Variants in SIN3B observed in about 807,000 individuals in gnomAD.
The protein encoded by SIN3B is paired amphipathic helix protein Sin3b.
Under a neutral mutation model 120.2 loss-of-function variants are expected in SIN3B, and 19 were observed. The ratio of observed to expected loss-of-function variants is 0.16; its 90% CI spans 0.11 to 0.23. The LOEUF (loss-of-function observed/expected upper bound fraction) is 0.23, where lower values mean the gene tolerates loss of function less well. Among genes scored for constraint, SIN3B ranks in the 10% least tolerant of loss-of-function variants. SIN3B has a pLI of 1.00. For synonymous variants in SIN3B, 654 were observed against 653.2 expected, an observed-to-expected ratio of 1.00 and a Z score of -0.02; for missense variants, 1,073 against 1,573.0, an observed-to-expected ratio of 0.68 and a Z score of 5.38.
chr19:16,833,047 G>A (rs1971299497), intron 3 of SIN3B, among the ~76,000 whole-genome samples: 1 of 152,166 alleles, frequency 6.6e-6, no homozygotes, highest in Admixed American at 6.5e-5. Flanking sequence ...AGCCAGAAAT[G>A]TCTCCAGACA....
At position 16,854,159 on chromosome 19, in the gene SIN3B, A is replaced by G. The variant is rs749314867; in HGVS notation, c.956A>G (p.Lys319Arg). ...SFFDKVRRVL[K>R]SQEVYENFLR... ...TCTCTGCAGGTCCGCCGGGTGCTGA[A>G]GAGCCAGGAGGTGTATGAAAACTTC... The change falls in exon 8 of 19, where the codon AAG becomes AGG. Residue 319 changes from lysine to arginine, a missense_variant. Lys to Arg is a conservative substitution (Grantham distance 26). This residue lies in a region of SIN3B where 395 missense variants were observed against 528.0 expected (regional missense o/e 0.75). Coordinates refer to ENST00000248054, the MANE Select transcript of SIN3B (RefSeq NM_001297595.2). The G allele has an allele frequency of 6.2e-7, 1 of 1,611,908 alleles. No homozygotes were observed. The highest frequency in any genetic ancestry group is 1.7e-5 in the Admixed American group (1 of 59,962).
At position 16,863,821 on chromosome 19, in the gene SIN3B, C is replaced by A. The variant is rs746600691; in HGVS notation, c.1383+25C>A. ...GGTGTGTGTGCTGCTGTGGCCGGGT[C>A]CCCCGGCATGTGCCTGTTCCCCTTC... On this transcript the variant is annotated intron_variant, in intron 10 of 18. Coordinates refer to ENST00000248054, the MANE Select transcript of SIN3B (RefSeq NM_001297595.2). 1.6e-5 allele frequency: 25 copies of A among 1,539,228 alleles called. No homozygotes were observed. The South Asian group carries it at 2.2e-4, about 14-fold the overall frequency.
At chr19:16,831,716 A>G (rs1027863864) in intron 3 of SIN3B, 69 bp downstream of exon 3, 4 of 1,417,578 alleles carry the variant, frequency 2.8e-6, no homozygotes, top group Non-Finnish European at 4.0e-6. Context: ...AGGTTGGGCC[A>G]CGTGTCTCTC....
At chr19:16,831,823 C>G (rs182103445) in intron 3 of SIN3B, among the ~76,000 whole-genome samples, 176 bp downstream of exon 3, 1 of 152,204 alleles carries the variant, frequency 6.6e-6, no homozygotes, top group African/African-American at 2.4e-5. Context: ...AACACCTACA[C>G]AAGCAGCCTC....
intron 17 of SIN3B, 67 bp downstream of exon 17, chr19:16,877,706 T>C: frequency 8.9e-7 from 1 of 1,123,992 alleles, no homozygotes; most frequent in Admixed American, 2.0e-5. Context: ...CCCTTTGTCC[T>C]GACGGGGGCT....
At chr19:16,847,944 T>C (rs1971500057) in intron 5 of SIN3B, among the ~76,000 whole-genome samples, 1 of 152,136 alleles carries the variant, frequency 6.6e-6, no homozygotes, top group African/African-American at 2.4e-5. Context: ...CCCATGTGCT[T>C]CCTGTTTCTG....
intron 14 of SIN3B, 179 bp from the exon 15 acceptor site, chr19:16,875,876 C>T: frequency 1.4e-6 from 1 of 705,544 alleles, no homozygotes; most frequent in South Asian, 1.9e-5. Context: ...CTGGTCTGGT[C>T]TGGTCTGGTC....
At chr19:16,831,737 G>T in intron 3 of SIN3B, 90 bp downstream of exon 3, 2 of 1,119,116 alleles carry the variant, frequency 1.8e-6, no homozygotes. Context: ...CTGTATCATT[G>T]CTAGAAAGCC....
In SIN3B at chr19:16,865,665, C is replaced by G; in HGVS notation, c.1622+17C>G. ...CCTGAAAAGGTGCCCTGTGGCGTCC[C>G]GACTTCCCTTCCCCTTCCCCTTCCC... On this transcript the variant is annotated intron_variant, in intron 11 of 18. Coordinates refer to ENST00000248054, the MANE Select transcript of SIN3B (RefSeq NM_001297595.2). The G allele has an allele frequency of 6.5e-7, 1 of 1,537,694 alleles. No homozygotes were observed. Among genetic ancestry groups the G allele is most frequent in the Non-Finnish European group, 8.9e-7 (1 of 1,123,824 alleles).
rs201243288 is a variant in SIN3B at position 16,829,811 on chromosome 19, T to C, written c.141T>C (p.Tyr47=). 1 of 1,612,906 alleles carries C rather than the reference T, an allele frequency of 6.2e-7. No homozygotes were observed. Among genetic ancestry groups the C allele is most frequent in the Non-Finnish European group, 8.5e-7 (1 of 1,179,350 alleles). ...LPVHVEDALT[Y]LDQVKIRFGS... Reference sequence around the variant, plus strand: ...TGCAGGTAGAAGACGCCCTCACCTATCTGGACCAGGTGAAGATCCGCTTTG... The same window carrying C: ...TGCAGGTAGAAGACGCCCTCACCTACCTGGACCAGGTGAAGATCCGCTTTG... The change falls in exon 2 of 19, where the codon TAT becomes TAC. Residue 47 remains tyrosine (Y), a synonymous_variant. Coordinates refer to ENST00000248054, the MANE Select transcript of SIN3B (RefSeq NM_001297595.2).
chr19:16,863,258 C>T (rs1222294610), intron 9 of SIN3B: 4 of 498,928 alleles, frequency 8.0e-6, no homozygotes, highest in African/African-American at 1.9e-5. Flanking sequence ...ATTGAAAATA[C>T]GTGGGGAAAG....
chr19:16,856,969 ATAG>A (rs1416384240), intron 8 of SIN3B, among the ~76,000 whole-genome samples: 3 of 152,126 alleles, frequency 2.0e-5, no homozygotes, highest in African/African-American at 7.2e-5. Flanking sequence ...TACCCCAGGG[ATAG>A]TAGTTGACAG....
chr19:16,845,734 A>G lies in SIN3B; in HGVS notation c.583-1236A>G, dbSNP rs377748744. Among the ~76,000 whole-genome samples, 13 of 151,654 alleles carry G rather than the reference A, an allele frequency of 8.6e-5. 1 individual carries two copies. In the South Asian group the frequency reaches 2.7e-3, roughly 32 times the overall value. ...TCATTGTTTCTTTTCTTCTTTATTT[A>G]TTTTAGATAGGATCTTGCTCTGTTG... On this transcript the variant is annotated intron_variant, in intron 4 of 18. Coordinates refer to ENST00000248054, the MANE Select transcript of SIN3B (RefSeq NM_001297595.2).
chr19:16,831,464 C>G, intron 2 of SIN3B, 30 bp from the exon 3 acceptor site: 1 of 1,605,940 alleles, frequency 6.2e-7, no homozygotes, highest in Non-Finnish European at 8.5e-7. Context: ...TTCCCAAGAC[C>G]CTTTTGCCCA....
chr19:16,854,162 G>A lies in SIN3B; in HGVS notation c.959G>A (p.Ser320Asn). The change falls in exon 8 of 19, where the codon AGC becomes AAC. Residue 320 changes from serine (S) to asparagine (N), a missense_variant. Physicochemically the swap from Ser to Asn is conservative, Grantham distance 46. This residue lies in a region of SIN3B where 395 missense variants were observed against 528.0 expected (regional missense o/e 0.75). Coordinates refer to ENST00000248054, the MANE Select transcript of SIN3B (RefSeq NM_001297595.2). ...CTGCAGGTCCGCCGGGTGCTGAAGA[G>A]CCAGGAGGTGTATGAAAACTTCCTC... Reference protein sequence around the residue: ...FFDKVRRVLKSQEVYENFLRC... With the variant: ...FFDKVRRVLKNQEVYENFLRC... The A allele has an allele frequency of 6.2e-7, 1 of 1,612,132 alleles. No individual in the cohort carries two copies.
rs773573932 is a variant in SIN3B, at chr19:16,854,196, C to T, written c.993C>T (p.Ile331=). ...QEVYENFLRC[I]ALFNQELVSG... ...TGTATGAAAACTTCCTCCGCTGCATCGCACTCTTCAACCAGGAGCTGGTGT... is the reference window on the plus strand; with the variant it reads ...TGTATGAAAACTTCCTCCGCTGCATTGCACTCTTCAACCAGGAGCTGGTGT... Residue 331 remains isoleucine, a synonymous_variant, in exon 8 of 19, where the codon ATC becomes ATT. Transcript: ENST00000248054. The T allele has an allele frequency of 9.3e-6, 15 of 1,612,994 alleles. No homozygotes were observed. In the South Asian group the frequency reaches 1.2e-4, roughly 13 times the overall value.
intron 3 of SIN3B, 23 bp from the exon 4 acceptor site, chr19:16,841,745 G>T (rs1294159152): frequency 5.6e-6 from 9 of 1,608,974 alleles, no homozygotes; most frequent in Non-Finnish European, 7.7e-6. Context: ...GGGCCTGGCA[G>T]TAACTCATTG....
At chr19:16,863,428 G>A in intron 9 of SIN3B, 4 of 552,304 alleles carry the variant, frequency 7.2e-6, no homozygotes, top group Non-Finnish European at 9.7e-6. Context: ...GGACATCAGG[G>A]ACTTGAGTAT....
Position 16,862,850 on chromosome 19 carries a change from C to T in SIN3B, c.1266+291C>T. ...ATTGCTGCCATGATTCTGCTCTGTC[C>T]CGGGCTCACTGACCTCAGTGTGTTT... is the stretch of plus-strand genomic sequence containing the variant. On this transcript the variant is annotated intron_variant, in intron 9 of 18. Coordinates refer to ENST00000248054, the MANE Select transcript of SIN3B (RefSeq NM_001297595.2). The surrounding 1 kb of genome is among the most constrained non-coding windows in gnomAD (Gnocchi z 4.7). 6.6e-7 allele frequency: 1 copy of T among 1,521,454 alleles called. No homozygotes were observed. Among genetic ancestry groups the T allele is most frequent in the Non-Finnish European group, 9.1e-7 (1 of 1,095,778 alleles). The allele number at this position is 1,521,454 out of a possible 1,614,324, so 94.2% of individuals were successfully genotyped here. A position where few individuals can be genotyped will look rare whatever the true frequency, so the allele number is the denominator to read the frequency against.
Sources: gnomAD v4.1 joint callset for allele counts (sites outside exome capture counted in the v4.1 genomes callset) on GRCh38, gnomAD v4.1.1 for gene constraint, gnomAD v4.1.1 regional missense constraint, Gnocchi (gnomAD v3.1) non-coding constraint, MANE v1.5 for transcripts, NCBI Gene and HGNC (gene_info 2026-07-23, HGNC 2026-07-21) for gene names.